Variants in TPH2 observed in about 807,000 individuals in gnomAD.
TPH2 encodes the protein tryptophan hydroxylase 2, also known as tryptophan 5-hydroxylase 2.
In TPH2, 27 loss-of-function variants were observed where a neutral mutation model predicts 59.1. That is an observed-to-expected ratio of 0.46 (90% CI 0.34 to 0.63). TPH2 has a LOEUF of 0.63. Ranked by LOEUF, TPH2 falls within the 30% of genes least tolerant of loss-of-function variation. The pLI is 0.01. For missense variants in TPH2, 523 were observed against 588.3 expected, an observed-to-expected ratio of 0.89 and a Z score of 1.15; for synonymous variants, 220 against 210.5, an observed-to-expected ratio of 1.05 and a Z score of -0.39.
At chr12:71,975,267 C>T (rs1872084381) in intron 6 of TPH2, among the ~76,000 whole-genome samples, 1 of 152,148 alleles carries the variant, frequency 6.6e-6, no homozygotes, top group South Asian at 2.1e-4. Context: ...ATCACTTGAA[C>T]TTGGGAGGCA....
intron 6 of TPH2, 97 bp from the exon 7 acceptor site, chr12:71,978,855 G>A (rs1251856389): frequency 2.0e-6 from 3 of 1,500,724 alleles, no homozygotes; most frequent in Non-Finnish European, 9.3e-7. Context: ...TGATTACTTT[G>A]TTTCTGGATC....
At position 71,961,943 on chromosome 12, in the gene TPH2, T is replaced by C. The variant is rs937310334; in HGVS notation, c.609-10576T>C. 10 of 1,058,106 alleles carry C rather than the reference T, an allele frequency of 9.5e-6. No individual in the cohort carries two copies. The African/African-American group carries it at 1.7e-4, about 18-fold the overall frequency. 65.5% of individuals were successfully genotyped at this position (1,058,106 alleles called of 1,614,324 possible). Reference sequence around the variant, plus strand: ...GAACAAAACAAACTAATGTTTTTGTTTGCTCCCATCTGAAAGTTCCTTAAG... The same window carrying C: ...GAACAAAACAAACTAATGTTTTTGTCTGCTCCCATCTGAAAGTTCCTTAAG... On this transcript the variant is annotated intron_variant, in intron 5 of 10. Coordinates refer to ENST00000333850, the MANE Select transcript of TPH2 (RefSeq NM_173353.4).
At position 71,941,202 on chromosome 12, in the gene TPH2, A is replaced by G. The variant is rs915642236; in HGVS notation, c.106-382A>G. Among the ~76,000 whole-genome samples, 5 of 152,226 alleles carry G rather than the reference A, an allele frequency of 3.3e-5. 1 individual carries two copies. Among genetic ancestry groups the G allele is most frequent in the South Asian group, 4.1e-4 (2 of 4,836 alleles). Reference sequence around the variant, plus strand: ...ATTTTTAATATGGTTAGTAATTAATATAGTTTCCATAGGATTCAACGAGGC... The same window carrying G: ...ATTTTTAATATGGTTAGTAATTAATGTAGTTTCCATAGGATTCAACGAGGC... On this transcript the variant is annotated intron_variant, in intron 1 of 10. Coordinates refer to ENST00000333850, the MANE Select transcript of TPH2 (RefSeq NM_173353.4).
chr12:71,938,895 G>T lies in TPH2; in HGVS notation c.-92G>T. The T allele has an allele frequency of 9.1e-7, 1 of 1,097,644 alleles. No individual in the cohort carries two copies. The highest frequency in any genetic ancestry group is 1.2e-5 in the South Asian group (1 of 80,668). 68.0% of individuals were successfully genotyped at this position (1,097,644 alleles called of 1,614,324 possible). ...TGGACAGCGCCCCAAGCAGGCAGCT[G>T]ATCGCACGCCCCTTCCTCTCAATCT... On this transcript the variant is annotated 5_prime_UTR_variant, in exon 1 of 11. Transcript: ENST00000333850.
At chr12:71,996,250 A>T (rs1348919368) in intron 8 of TPH2, among the ~76,000 whole-genome samples, 2 of 152,168 alleles carry the variant, frequency 1.3e-5, no homozygotes, top group Non-Finnish European at 2.9e-5. Context: ...GGCTTCCTCC[A>T]CAAGTGATGA....
intron 9 of TPH2, among the ~76,000 whole-genome samples, chr12:72,023,106 G>A (rs939092350): frequency 6.6e-6 from 1 of 152,052 alleles, no homozygotes; most frequent in African/African-American, 2.4e-5. Context: ...TTCCAGAAAT[G>A]TTGAGACCTG....
At chr12:71,985,888 G>A (rs571465697) in intron 7 of TPH2, among the ~76,000 whole-genome samples, 2 of 152,294 alleles carry the variant, frequency 1.3e-5, no homozygotes, top group South Asian at 4.1e-4. Context: ...CATTTATCAA[G>A]AGGAGGAGGC....
At chr12:71,988,777 A>C (rs1032858168) in intron 7 of TPH2, among the ~76,000 whole-genome samples, 2 of 152,186 alleles carry the variant, frequency 1.3e-5, no homozygotes, top group African/African-American at 4.8e-5. Context: ...GGTCCCTCTA[A>C]GAACTGGAAA....
At chr12:71,999,428 T>C (rs1162666801) in intron 8 of TPH2, among the ~76,000 whole-genome samples, 1 of 152,224 alleles carries the variant, frequency 6.6e-6, no homozygotes, top group Non-Finnish European at 1.5e-5. Flanking sequence ...TGTGGCAGCA[T>C]TACTCTGTTT....
chr12:71,992,832 T>A (rs1269948378), intron 7 of TPH2, among the ~76,000 whole-genome samples: 2 of 152,230 alleles, frequency 1.3e-5, no homozygotes, highest in African/African-American at 4.8e-5. Context: ...ATTCTCTCTC[T>A]CTTCTTTATT....
chr12:72,005,233 T>C (rs1278171009), intron 8 of TPH2, among the ~76,000 whole-genome samples: 2 of 152,126 alleles, frequency 1.3e-5, no homozygotes, highest in African/African-American at 4.8e-5. Flanking sequence ...ATCATTTTTT[T>C]CAGGATCTGA....
At chr12:71,985,721 T>TA (rs942737241) in intron 7 of TPH2, among the ~76,000 whole-genome samples, 2 of 152,130 alleles carry the variant, frequency 1.3e-5, no homozygotes, top group African/African-American at 4.8e-5. Flanking sequence ...TCCTTACTTT[T>TA]ATTTGGTGAC....
chr12:72,030,938 A>T (rs1873704293), intron 9 of TPH2, among the ~76,000 whole-genome samples: 1 of 152,170 alleles, frequency 6.6e-6, no homozygotes, highest in Admixed American at 6.6e-5. Context: ...GCATAGATTT[A>T]AAATCCCATT....
intron 8 of TPH2, among the ~76,000 whole-genome samples, chr12:71,996,156 T>C (rs1479052750): frequency 2.0e-5 from 3 of 152,250 alleles, no homozygotes; most frequent in Non-Finnish European, 2.9e-5. Context: ...GCTTCCAAAA[T>C]GGCTCACTCA....
In TPH2 at chr12:72,004,910, G is replaced by A. The variant is rs897005353; in HGVS notation, c.1068+10345G>A. ...AGAATACATTTAGTAGATGTAAAAT[G>A]TATTACTGTACATTAGGAGCCACCA... On this transcript the variant is annotated intron_variant, in intron 8 of 10. Transcript: ENST00000333850. Among the ~76,000 whole-genome samples the A allele has an allele frequency of 9.9e-5, 15 of 152,276 alleles. No homozygotes were observed. The South Asian group carries it at 1.7e-3, about 17-fold the overall frequency.
chr12:72,024,056 G>A (rs1055821414), intron 9 of TPH2, among the ~76,000 whole-genome samples: 4 of 152,142 alleles, frequency 2.6e-5, no homozygotes, highest in Non-Finnish European at 1.5e-5. Flanking sequence ...TAGGCTCTAG[G>A]ATCTGAGCTC....
chr12:71,946,758 G>C (rs1328149247), intron 4 of TPH2, among the ~76,000 whole-genome samples: 1 of 152,114 alleles, frequency 6.6e-6, no homozygotes, highest in Non-Finnish European at 1.5e-5. Context: ...ACTTCAGAAG[G>C]GGCTTGGAAT....
At chr12:71,949,816 G>A (rs1309141698) in intron 5 of TPH2, among the ~76,000 whole-genome samples, 161 bp downstream of exon 5, 1 of 152,142 alleles carries the variant, frequency 6.6e-6, no homozygotes, top group Non-Finnish European at 1.5e-5. Context: ...CAACACTGAT[G>A]TTTGACATCT....
At chr12:71,955,968 C>T (rs1871483254) in intron 5 of TPH2, among the ~76,000 whole-genome samples, 1 of 152,210 alleles carries the variant, frequency 6.6e-6, no homozygotes, top group Admixed American at 6.5e-5. Context: ...AATTAGGGAA[C>T]AGCCTAGCTG....
Sources: gnomAD v4.1 joint callset for allele counts (sites outside exome capture counted in the v4.1 genomes callset) on GRCh38, gnomAD v4.1.1 for gene constraint, MANE v1.5 for transcripts, NCBI Gene and HGNC (gene_info 2026-07-23, HGNC 2026-07-21) for gene names.